The following TMPO variants were observed in gnomAD, a reference collection of about 807,000 sequenced individuals.
The protein encoded by TMPO is thymopoietin.
TMPO carries 22 observed loss-of-function variants against 45.4 expected under a neutral mutation model. The observed-to-expected ratio is 0.48, with a 90% CI of 0.35 to 0.69. The LOEUF (loss-of-function observed/expected upper bound fraction) is 0.69. TMPO is among the 30% of genes least tolerant of loss of function. The probability of loss-of-function intolerance (pLI) is 0.01; values close to 1 mark genes in which losing one functional copy is unlikely to be tolerated. For synonymous variants in TMPO, 241 were observed against 204.1 expected (o/e 1.18, Z -1.54); for missense variants, 512 against 548.8 (o/e 0.93, Z 0.67).
At chr12:98,528,036 C>G in intron 2 of TMPO, 24 bp downstream of exon 2, 1 of 1,613,326 alleles carries the variant, frequency 6.2e-7, no homozygotes, top group African/African-American at 1.3e-5. Flanking sequence ...ATTTCAAATA[C>G]AGTATCTTTT....
chr12:98,524,698 A>G (rs1367125306), intron 1 of TMPO, among the ~76,000 whole-genome samples: 7 of 152,134 alleles, frequency 4.6e-5, no homozygotes, highest in Non-Finnish European at 8.8e-5. Context: ...GATTCAAGCA[A>G]TTCTCCTGCC....
rs534247973 is a variant in TMPO at position 98,536,760 on chromosome 12, C to T, written c.566-715C>T. Among the ~76,000 whole-genome samples, 6 of 152,240 alleles carry T rather than the reference C, an allele frequency of 3.9e-5. No individual in the cohort carries two copies. In the South Asian group the frequency reaches 6.2e-4, roughly 16 times the overall value. ...GCCTATTAAAAAATACATATCCTTG[C>T]GTTGTTAGGTTAATAACTATCATGG... On this transcript the variant is annotated intron_variant, in intron 3 of 8. Transcript: ENST00000556029.
chr12:98,532,867 G>T lies in TMPO; in HGVS notation c.565+1029G>T, dbSNP rs1204142846. ...GAAAGTGAAGTCCACTAGGGATATT[G>T]TTCCTTTTTCTGAACTTGGAACTAC... On this transcript the variant is annotated intron_variant, in intron 3 of 8. Transcript: ENST00000556029. The T allele has an allele frequency of 3.1e-6, 5 of 1,614,004 alleles. No individual in the cohort carries two copies. The African/African-American group carries it at 5.3e-5, about 17-fold the overall frequency.
chr12:98,543,594 G>A (rs1178515152), intron 4 of TMPO, among the ~76,000 whole-genome samples: 1 of 152,164 alleles, frequency 6.6e-6, no homozygotes, highest in Non-Finnish European at 1.5e-5. Flanking sequence ...GACATGGATA[G>A]CATTGAGATT....
At chr12:98,546,623 C>T (rs1316159307) in intron 8 of TMPO, among the ~76,000 whole-genome samples, 176 bp downstream of exon 8, 4 of 152,148 alleles carry the variant, frequency 2.6e-5, no homozygotes, top group African/African-American at 9.7e-5. Flanking sequence ...AGGTGGATTG[C>T]TTAAGCCCAG....
Position 98,516,106 on chromosome 12 carries a change from G to A in TMPO, c.239G>A (p.Gly80Glu), listed in dbSNP as rs1875774116. ...GAGCCCACCCCGGTCCTCGGCTCTG[G>A]GGCCGCCGCCGCGGGCCGGAGCCGA... ...EREPTPVLGS[G>E]AAAAGRSRAA... The change falls in exon 1 of 9, where the codon GGG becomes GAG. Residue 80 changes from glycine to glutamate, a missense_variant. By Grantham distance (98) the Gly-to-Glu change is moderately conservative. Coordinates refer to ENST00000556029, the MANE Select transcript of TMPO (RefSeq NM_001032283.3). 6.5e-7 allele frequency: 1 copy of A among 1,548,640 alleles called. No homozygotes were observed. The highest frequency in any genetic ancestry group is 8.7e-7 in the Non-Finnish European group (1 of 1,155,472).
In TMPO at chr12:98,533,692, C is replaced by T. The variant is rs1442570268; in HGVS notation, c.565+1854C>T. 1.2e-6 allele frequency: 2 copies of T among 1,614,176 alleles called. 1 individual carries two copies. Among genetic ancestry groups the T allele is most frequent in the South Asian group, 2.2e-5 (2 of 91,076 alleles). ...TACCTTAGGTCTAGAAGTGGCTAAG[C>T]AATCACAGCATGATAAAATAGATGC... On this transcript the variant is annotated intron_variant, in intron 3 of 8. Transcript: ENST00000556029.
At chr12:98,532,488 CTATATT>C (rs146054750) in intron 3 of TMPO, among the ~76,000 whole-genome samples, 32,715 of 151,748 alleles carry the variant, frequency 0.22, 4,496 homozygotes, top group Non-Finnish European at 0.31. Context: ...AATATTTTGA[CTATATT>C]TTTAGTAGAC....
At chr12:98,524,249 G>C (rs1220651068) in intron 1 of TMPO, among the ~76,000 whole-genome samples, 1 of 152,160 alleles carries the variant, frequency 6.6e-6, no homozygotes, top group African/African-American at 2.4e-5. Flanking sequence ...ATCAGAAATG[G>C]GTAAGACCTT....
At position 98,515,919 on chromosome 12, in the gene TMPO, A is replaced by C; in HGVS notation, c.52A>C (p.Ser18Arg). 3.1e-6 allele frequency: 5 copies of C among 1,613,684 alleles called. No homozygotes were observed. Among genetic ancestry groups the C allele is most frequent in the Non-Finnish European group, 4.2e-6 (5 of 1,179,838 alleles). ...GGTCCTGACAAAAGACAAGTTGAAG[A>C]GTGAGTTGGTCGCCAACAATGTGAC... ...PSVLTKDKLK[S>R]ELVANNVTLP... is the part of the protein sequence containing the mutation. The change falls in exon 1 of 9, where the codon AGT becomes CGT. Residue 18 changes from serine (S) to arginine (R), a missense_variant. Coordinates refer to ENST00000556029, the MANE Select transcript of TMPO (RefSeq NM_001032283.3).
At chr12:98,538,363 T>G (rs1255832598) in intron 4 of TMPO, among the ~76,000 whole-genome samples, 4 of 152,148 alleles carry the variant, frequency 2.6e-5, no homozygotes, top group African/African-American at 9.7e-5. Flanking sequence ...CTTTGTGTGT[T>G]TGTTTGTGAC....
chr12:98,545,106 A>T, intron 7 of TMPO, 45 bp downstream of exon 7: 1 of 1,321,818 alleles, frequency 7.6e-7, no homozygotes. Context: ...GATCTTTCAA[A>T]GAGGAAATAT....
At chr12:98,523,888 C>A (rs1218410091) in intron 1 of TMPO, among the ~76,000 whole-genome samples, 1 of 152,134 alleles carries the variant, frequency 6.6e-6, no homozygotes, top group Non-Finnish European at 1.5e-5. Context: ...GTTGGCCAGG[C>A]TGGTCTCAAA....
intron 3 of TMPO, chr12:98,535,088 G>A: frequency 2.1e-6 from 2 of 947,388 alleles, no homozygotes; most frequent in Non-Finnish European, 2.5e-6. Flanking sequence ...ACCAATTCAT[G>A]GACCAGTACC....
chr12:98,533,843 A>G, intron 3 of TMPO: 1 of 1,614,256 alleles, frequency 6.2e-7, no homozygotes, highest in Non-Finnish European at 8.5e-7. Context: ...GAGGCAACAC[A>G]GATATTATCA....
chr12:98,531,634 T>C (rs1400336417), intron 2 of TMPO, 46 bp from the exon 3 acceptor site: 1 of 1,598,946 alleles, frequency 6.3e-7, no homozygotes, highest in South Asian at 1.1e-5. Context: ...AGCTGCATCC[T>C]AAATGAAACA....
intron 3 of TMPO, 53 bp from the exon 4 acceptor site, chr12:98,537,422 C>G: frequency 7.0e-7 from 1 of 1,418,980 alleles, no homozygotes; most frequent in African/African-American, 1.4e-5. Context: ...AGGATAACAT[C>G]ATCATTTATT....
At chr12:98,544,621 A>G in intron 6 of TMPO, 84 bp downstream of exon 6, 3 of 1,136,490 alleles carry the variant, frequency 2.6e-6, no homozygotes, top group Non-Finnish European at 3.8e-6. Context: ...GAATTTTGGC[A>G]AATCTCAAAT....
chr12:98,522,967 A>G (rs936992342), intron 1 of TMPO, among the ~76,000 whole-genome samples: 2 of 152,216 alleles, frequency 1.3e-5, no homozygotes, highest in African/African-American at 2.4e-5. Flanking sequence ...GATTAAAGGA[A>G]TTAGAGAAGC....
Sources: gnomAD v4.1 joint callset for allele counts (sites outside exome capture counted in the v4.1 genomes callset) on GRCh38, gnomAD v4.1.1 for gene constraint, MANE v1.5 for transcripts, NCBI Gene and HGNC (gene_info 2026-07-23, HGNC 2026-07-21) for gene names.